The following TENM3 variants were observed in gnomAD, a reference collection of about 807,000 sequenced individuals.
TENM3 encodes teneurin-3.
In TENM3, 63 loss-of-function variants were observed where a neutral mutation model predicts 255.1. The observed-to-expected ratio is 0.25, with a 90% CI of 0.20 to 0.30. TENM3 has a LOEUF of 0.30. TENM3 is among the 10% of genes least tolerant of loss of function. The pLI is 1.00. For synonymous variants in TENM3, 1,306 were observed against 1,322.3 expected, an observed-to-expected ratio of 0.99 and a Z score of 0.27; for missense variants, 2,929 against 3,461.1, an observed-to-expected ratio of 0.85 and a Z score of 3.86.
Position 182,799,555 on chromosome 4 carries a change from C to A in TENM3, c.7345-41C>A, listed in dbSNP as rs747671481. ...TGTGGGTCAGGAGTGGGGAGGCTCCCGGCCGCCTCTGACGCGCCCCCTCTT... is the reference window on the plus strand; with the variant it reads ...TGTGGGTCAGGAGTGGGGAGGCTCCAGGCCGCCTCTGACGCGCCCCCTCTT... On this transcript the variant is annotated intron_variant, in intron 27 of 27. Coordinates refer to ENST00000511685, the MANE Select transcript of TENM3 (RefSeq NM_001080477.4). The surrounding 1 kb of genome is among the most constrained non-coding windows in gnomAD (Gnocchi z 4.2). 1.3e-6 allele frequency: 2 copies of A among 1,521,212 alleles called. No individual in the cohort carries two copies. Among genetic ancestry groups the A allele is most frequent in the African/African-American group, 2.8e-5 (2 of 71,936 alleles). 94.2% of individuals were successfully genotyped at this position (1,521,212 alleles called of 1,614,324 possible).
chr4:181,908,674 T>C, the TENM3 span, among the ~76,000 whole-genome samples: 1 of 152,228 alleles, frequency 6.6e-6, no homozygotes, highest in Non-Finnish European at 1.5e-5. Flanking sequence ...CCTGTCATTA[T>C]GTAAAATTTT....
At chr4:182,322,986 C>G (rs761325353) in intron 1 of TENM3, among the ~76,000 whole-genome samples, 7 of 152,072 alleles carry the variant, frequency 4.6e-5, no homozygotes, top group Non-Finnish European at 1.0e-4. Flanking sequence ...AAGATAAAGC[C>G]TTCGGGGTCC....
At chr4:182,459,979 G>A (rs146949197) in intron 3 of TENM3, among the ~76,000 whole-genome samples, 3 of 151,876 alleles carry the variant, frequency 2.0e-5, no homozygotes, top group Non-Finnish European at 4.4e-5. Context: ...AAAATTCATC[G>A]CCAGCCCCCA....
the TENM3 span, among the ~76,000 whole-genome samples, chr4:181,490,462 C>G: frequency 2.0e-5 from 3 of 147,850 alleles, no homozygotes; most frequent in Non-Finnish European, 4.5e-5. Context: ...TGAGTTTAAA[C>G]AGTATCTGTT....
At chr4:182,013,861 A>G in the TENM3 span, among the ~76,000 whole-genome samples, 2 of 150,658 alleles carry the variant, frequency 1.3e-5, no homozygotes. Flanking sequence ...AGAATGCTTT[A>G]TGTGCTATAT....
At chr4:181,915,101 C>T in the TENM3 span, among the ~76,000 whole-genome samples, 1 of 152,166 alleles carries the variant, frequency 6.6e-6, no homozygotes, top group African/African-American at 2.4e-5. Context: ...ACTAGGAGAT[C>T]AGGAGGACAA....
At chr4:181,756,105 A>G in the TENM3 span, among the ~76,000 whole-genome samples, 1 of 152,172 alleles carries the variant, frequency 6.6e-6, no homozygotes, top group Non-Finnish European at 1.5e-5. Context: ...TCACAGATCA[A>G]GAAAAGCAAG....
rs542895208 is a variant in TENM3, at chr4:182,731,039, T to C, written c.2867T>C (p.Leu956Pro). The C allele has an allele frequency of 1.9e-6, 3 of 1,614,002 alleles. No homozygotes were observed. Among genetic ancestry groups the C allele is most frequent in the East Asian group, 2.2e-5 (1 of 44,880 alleles). The change falls in exon 16 of 28, where the codon CTG becomes CCG. Residue 956 changes from leucine to proline, a missense_variant. Coordinates refer to ENST00000511685, the MANE Select transcript of TENM3 (RefSeq NM_001080477.4). ...KEENDIPSCD[L>P]SGFVRPNPII... ...GAGAATGACATTCCCAGCTGTGATC[T>C]GAGTGGATTCGTGAGGCCAAATCCC...
In TENM3 at chr4:182,354,710, C is replaced by T. The variant is rs562540462; in HGVS notation, c.511+7781C>T. On this transcript the variant is annotated intron_variant, in intron 3 of 27. Transcript: ENST00000511685. ...TTTATCAGTTGACGAGATCGTTTTCCATAATAAATAGGCTGTACGCAAACT... is the reference window on the plus strand; with the variant it reads ...TTTATCAGTTGACGAGATCGTTTTCTATAATAAATAGGCTGTACGCAAACT... Among the ~76,000 whole-genome samples the T allele has an allele frequency of 3.3e-5, 5 of 152,092 alleles. No homozygotes were observed. The East Asian group carries it at 9.7e-4, about 29-fold the overall frequency.
chr4:182,533,378 CT>C (rs1739960746), intron 3 of TENM3, among the ~76,000 whole-genome samples: 2 of 151,898 alleles, frequency 1.3e-5, no homozygotes, highest in African/African-American at 4.8e-5. Flanking sequence ...ATTGAGACCC[CT>C]GTCTCTACAG....
the TENM3 span, among the ~76,000 whole-genome samples, chr4:182,000,405 C>A: frequency 2.0e-4 from 31 of 152,020 alleles, no homozygotes; most frequent in Admixed American, 7.9e-4. Flanking sequence ...GCATTGAGAA[C>A]CTGTCCTTTG....
chr4:181,752,694 C>A, the TENM3 span, among the ~76,000 whole-genome samples: 1 of 151,698 alleles, frequency 6.6e-6, no homozygotes, highest in Non-Finnish European at 1.5e-5. Flanking sequence ...TTTCTCAAAC[C>A]CCTGCCGCAG....
chr4:181,554,084 C>G, the TENM3 span, among the ~76,000 whole-genome samples: 2 of 152,226 alleles, frequency 1.3e-5, no homozygotes, highest in South Asian at 4.1e-4. Context: ...GTTGGGCTAG[C>G]AGGAGGAGGA....
At chr4:181,619,036 C>T in the TENM3 span, among the ~76,000 whole-genome samples, 4 of 152,100 alleles carry the variant, frequency 2.6e-5, no homozygotes, top group East Asian at 3.9e-4. Flanking sequence ...CTCTGACTTC[C>T]GGTTGAGCCT....
chr4:182,058,729 A>G, the TENM3 span, among the ~76,000 whole-genome samples: 3 of 152,268 alleles, frequency 2.0e-5, no homozygotes, highest in Non-Finnish European at 4.4e-5. Context: ...ATTTATTTTT[A>G]GTGTTTCATT....
At chr4:182,107,490 G>C in the TENM3 span, among the ~76,000 whole-genome samples, 1 of 152,088 alleles carries the variant, frequency 6.6e-6, no homozygotes, top group Non-Finnish European at 1.5e-5. Flanking sequence ...TGGCACATTC[G>C]ACAGTTATTC....
At chr4:182,482,109 T>C (rs554528799) in intron 3 of TENM3, among the ~76,000 whole-genome samples, 1 of 152,288 alleles carries the variant, frequency 6.6e-6, no homozygotes, top group South Asian at 2.1e-4. Flanking sequence ...CAATTATACA[T>C]TGAATTTTAT....
chr4:182,654,521 C>T (rs563472757), intron 6 of TENM3, among the ~76,000 whole-genome samples: 1 of 150,656 alleles, frequency 6.6e-6, no homozygotes, highest in African/African-American at 2.4e-5. Flanking sequence ...TATATTATTT[C>T]TGTGTGTGTG....
At chr4:182,690,626 C>T (rs1299888690) in intron 12 of TENM3, among the ~76,000 whole-genome samples, 2 of 152,132 alleles carry the variant, frequency 1.3e-5, no homozygotes, top group Non-Finnish European at 2.9e-5. Flanking sequence ...GTGTGTATAG[C>T]TTTGAAAACC....
Sources: gnomAD v4.1 joint callset for allele counts (sites outside exome capture counted in the v4.1 genomes callset) on GRCh38, gnomAD v4.1.1 for gene constraint, Gnocchi (gnomAD v3.1) non-coding constraint, MANE v1.5 for transcripts, NCBI Gene and HGNC (gene_info 2026-07-23, HGNC 2026-07-21) for gene names.